Variants in KANSL1 observed in about 807,000 individuals in gnomAD.
KANSL1 encodes MLL1/MLL complex subunit KANSL1.
In KANSL1, 22 loss-of-function variants were observed where a neutral mutation model predicts 103.6. The observed-to-expected ratio is 0.21, with a 90% CI of 0.15 to 0.30. KANSL1 has a LOEUF of 0.30. Among genes scored for constraint, KANSL1 ranks in the 10% least tolerant of loss-of-function variants. The pLI, the probability that KANSL1 is intolerant of heterozygous loss-of-function variation, is 1.00. For synonymous variants in KANSL1, 600 were observed against 527.6 expected (o/e 1.14, Z -1.88); for missense variants, 1,337 against 1,399.8 (o/e 0.96, Z 0.72).
intron 2 of KANSL1, among the ~76,000 whole-genome samples, chr17:46,116,440 G>A (rs1474499711): frequency 6.6e-6 from 1 of 152,224 alleles, no homozygotes; most frequent in Non-Finnish European, 1.5e-5. Flanking sequence ...TGAGGCAGGA[G>A]AATGGTGTGA....
intron 3 of KANSL1, among the ~76,000 whole-genome samples, chr17:46,085,222 A>G (rs1314002077): frequency 6.6e-6 from 1 of 152,184 alleles, no homozygotes; most frequent in Non-Finnish European, 1.5e-5. Context: ...AAACTGAATT[A>G]AAGGTTAACA....
rs1418354322 is a variant in KANSL1 at position 46,041,224 on chromosome 17, A to G, written c.2021-1340T>C. On this transcript the variant is annotated intron_variant, in intron 7 of 14. Coordinates refer to ENST00000432791, the MANE Select transcript of KANSL1 (RefSeq NM_015443.4). Reference sequence around the variant, plus strand: ...TTCAGTAGGATTTTCTATAGACATAAGTACATCATCTACAAATGGAGACTG... The same window carrying G: ...TTCAGTAGGATTTTCTATAGACATAGGTACATCATCTACAAATGGAGACTG... 3 of 152,222 alleles carry G rather than the reference A, an allele frequency of 2.0e-5. No individual in the cohort carries two copies. In the South Asian group the frequency reaches 6.2e-4, roughly 32 times the overall value. The allele number at this position is 152,222 out of a possible 1,614,324, so 9.4% of individuals were successfully genotyped here.
chr17:46,065,994 G>A (rs1337446806), intron 6 of KANSL1, among the ~76,000 whole-genome samples: 1 of 152,104 alleles, frequency 6.6e-6, no homozygotes, highest in African/African-American at 2.4e-5. Context: ...CTGAATAGCT[G>A]GGACTACAGG....
intron 6 of KANSL1, among the ~76,000 whole-genome samples, chr17:46,064,756 G>A (rs569446826): frequency 1.3e-5 from 2 of 152,074 alleles, no homozygotes; most frequent in African/African-American, 4.8e-5. Context: ...GAATGAGGAG[G>A]AATACCTAAG....
At chr17:46,122,050 C>A (rs186251997) in intron 2 of KANSL1, among the ~76,000 whole-genome samples, 4 of 152,198 alleles carry the variant, frequency 2.6e-5, no homozygotes, top group Non-Finnish European at 2.9e-5. Flanking sequence ...AGTTTTCACA[C>A]GATAATAAAG....
rs947552634 is a variant in KANSL1 at position 46,031,314 on chromosome 17, A to T, written c.*162T>A. ...AACATGGAAACAAAAACAAAACAAA[A>T]ATTAAAACAAGAAAAAAAAATACCA... On this transcript the variant is annotated 3_prime_UTR_variant, in exon 15 of 15. Coordinates refer to ENST00000432791, the MANE Select transcript of KANSL1 (RefSeq NM_015443.4). 1.4e-6 allele frequency: 1 copy of T among 735,312 alleles called. No individual in the cohort carries two copies. Among genetic ancestry groups the T allele is most frequent in the Non-Finnish European group, 2.2e-6 (1 of 460,758 alleles). 45.5% of individuals were successfully genotyped at this position (735,312 alleles called of 1,614,324 possible). A position where few individuals can be genotyped will look rare whatever the true frequency, so the allele number is the denominator to read the frequency against.
chr17:46,078,790 G>A (rs1442350085), intron 4 of KANSL1, among the ~76,000 whole-genome samples: 1 of 152,180 alleles, frequency 6.6e-6, no homozygotes, highest in Non-Finnish European at 1.5e-5. Flanking sequence ...ATGAGAAGGT[G>A]GGGAAGATAA....
chr17:46,216,374 TG>T (rs1216646778), intron 1 of KANSL1, among the ~76,000 whole-genome samples: 2 of 151,384 alleles, frequency 1.3e-5, no homozygotes, highest in African/African-American at 4.9e-5. Flanking sequence ...CCGAGGCAGG[TG>T]GATCACCTGA....
chr17:46,118,648 A>G (rs1026114796), intron 2 of KANSL1, among the ~76,000 whole-genome samples: 2 of 152,234 alleles, frequency 1.3e-5, no homozygotes, highest in Non-Finnish European at 2.9e-5. Context: ...ATTTTGATGA[A>G]CTTTCCTTGC....
intron 2 of KANSL1, among the ~76,000 whole-genome samples, chr17:46,165,655 C>T (rs896343068): frequency 1.3e-5 from 2 of 151,630 alleles, no homozygotes; most frequent in Non-Finnish European, 2.9e-5. Flanking sequence ...GGATTAAAGG[C>T]GTGCACCACC....
chr17:46,074,810 T>C (rs1032694357), intron 4 of KANSL1, among the ~76,000 whole-genome samples: 1 of 146,734 alleles, frequency 6.8e-6, no homozygotes, highest in Admixed American at 6.8e-5. Context: ...TAAATAAATA[T>C]TGTCAGTTAT....
chr17:46,107,248 A>G (rs1425978830), intron 2 of KANSL1, among the ~76,000 whole-genome samples: 1 of 152,248 alleles, frequency 6.6e-6, no homozygotes, highest in Non-Finnish European at 1.5e-5. Flanking sequence ...AAGCCAGAGG[A>G]AACGTTATTG....
At position 46,050,608 on chromosome 17, in the gene KANSL1, G is replaced by C. The variant is rs759914921; in HGVS notation, c.1945C>G (p.His649Asp). The C allele has an allele frequency of 2.8e-5, 45 of 1,614,042 alleles. No homozygotes were observed. In the Middle Eastern group the frequency reaches 1.3e-3, roughly 47 times the overall value. ...GSINTMPPEI[H>D]YEAPLLERLS... The stretch of plus-strand genomic sequence containing the variant: ...CGTTCCAACAGAGGGGCTTCATAGT[G>C]AATTTCGGGAGGCATGGTGTTGATG... The change falls in exon 7 of 15, where the codon CAC (histidine) becomes GAC (aspartate). Residue 649 changes from histidine (H) to aspartate (D), a missense_variant. His to Asp is a moderately conservative substitution (Grantham distance 81). This residue lies in a region of KANSL1 where 780 missense variants were observed against 923.4 expected (regional missense o/e 0.84). Transcript: ENST00000432791.
chr17:46,098,250 T>C (rs1172731667), intron 2 of KANSL1, among the ~76,000 whole-genome samples: 1 of 151,562 alleles, frequency 6.6e-6, no homozygotes, highest in Non-Finnish European at 1.5e-5. Context: ...TTACCACCTT[T>C]CTATCCTGCA....
intron 4 of KANSL1, among the ~76,000 whole-genome samples, chr17:46,080,323 A>AAT (rs2078940119): frequency 6.7e-6 from 1 of 150,260 alleles, no homozygotes; most frequent in Non-Finnish European, 1.5e-5. Flanking sequence ...AAAAAAAAAA[A>AAT]AAAAAAAAAA....
chr17:46,097,149 T>G (rs1480626447), intron 2 of KANSL1, among the ~76,000 whole-genome samples: 1 of 152,228 alleles, frequency 6.6e-6, no homozygotes, highest in Non-Finnish European at 1.5e-5. Context: ...CTGCTGAACT[T>G]GGTAAATAAA....
chr17:46,082,265 T>G lies in KANSL1; in HGVS notation c.1533+176A>C, dbSNP rs111913701. On this transcript the variant is annotated intron_variant, in intron 4 of 14. Coordinates refer to ENST00000432791, the MANE Select transcript of KANSL1 (RefSeq NM_015443.4). ...TATGGTCAGCTACACAGCTGCAGGA[T>G]GGGCCCTAGATTCCCTATTCAGGAA... Among the ~76,000 whole-genome samples the G allele has an allele frequency of 0.14, 21,795 of 152,216 alleles. 2,133 individuals carry two copies. The highest frequency in any genetic ancestry group is 0.22 in the Non-Finnish European group (14,753 of 67,996).
chr17:46,220,877 G>A (rs145917825), intron 1 of KANSL1, among the ~76,000 whole-genome samples: 4,354 of 151,980 alleles, frequency 0.029, 185 homozygotes, highest in African/African-American at 0.088. Context: ...CAGTAGAGAC[G>A]GGGTTTCACC....
chr17:46,034,316 G>C (rs781322105), intron 10 of KANSL1, 31 bp from the exon 11 acceptor site: 1 of 1,611,002 alleles, frequency 6.2e-7, no homozygotes, highest in South Asian at 1.1e-5. Context: ...TTAAAAGGAA[G>C]GTACAATTTT....
Sources: allele counts gnomAD v4.1 joint callset (sites outside exome capture counted in the v4.1 genomes callset), GRCh38; gene constraint gnomAD v4.1.1; regional missense constraint gnomAD v4.1.1; transcripts MANE v1.5; gene names NCBI Gene and HGNC (gene_info 2026-07-23, HGNC 2026-07-21).